The following CMPK1 variants were observed in gnomAD, a reference collection of about 807,000 sequenced individuals.
The protein encoded by CMPK1 is UMP-CMP kinase.
In CMPK1, 10 loss-of-function variants were observed where a neutral mutation model predicts 25.7. The ratio of observed to expected loss-of-function variants is 0.39; its 90% CI spans 0.24 to 0.66. The LOEUF is 0.66. CMPK1 is among the 30% of genes least tolerant of loss of function. The pLI, the probability that CMPK1 is intolerant of heterozygous loss-of-function variation, is 0.48. For synonymous variants in CMPK1, 106 were observed against 101.5 expected, an observed-to-expected ratio of 1.04 and a Z score of -0.27; for missense variants, 199 against 280.5, an observed-to-expected ratio of 0.71 and a Z score of 2.08.
intron 3 of CMPK1, 100 bp downstream of exon 3, chr1:47,373,207 C>A: frequency 8.8e-7 from 1 of 1,141,814 alleles, no homozygotes; most frequent in Non-Finnish European, 1.2e-6. Context: ...ATATTGGCAG[C>A]AGTGTTTTTT....
At chr1:47,335,888 G>C (rs950558435) in intron 1 of CMPK1, among the ~76,000 whole-genome samples, 4 of 151,804 alleles carry the variant, frequency 2.6e-5, no homozygotes, top group South Asian at 4.2e-4. Context: ...CTCAGCCTCT[G>C]CATAGCTGGG....
At position 47,334,059 on chromosome 1, in the gene CMPK1, G is replaced by C; in HGVS notation, c.114G>C (p.Val38=). The change falls in exon 1 of 6, where the codon GTG becomes GTC. Residue 38 remains valine (V), a synonymous_variant. Coordinates refer to ENST00000371873, the MANE Select transcript of CMPK1 (RefSeq NM_016308.3). The part of the protein sequence containing the change: ...CSPRLMKPLV[V]FVLGGPGAGK... ...CACGTCTCATGAAGCCGCTGGTCGT[G>C]TTCGTCCTCGGCGGCCCCGGCGCCG... is the stretch of plus-strand genomic sequence containing the variant. The C allele has an allele frequency of 6.5e-7, 1 of 1,547,422 alleles. No individual in the cohort carries two copies. The highest frequency in any genetic ancestry group is 1.2e-5 in the South Asian group (1 of 83,870).
intron 1 of CMPK1, among the ~76,000 whole-genome samples, chr1:47,362,633 T>C (rs1376981922): frequency 1.3e-5 from 2 of 152,240 alleles, no homozygotes; most frequent in African/African-American, 4.8e-5. Context: ...AAAATATTAC[T>C]CTTTATTAGA....
chr1:47,336,019 C>A (rs946477542), intron 1 of CMPK1, among the ~76,000 whole-genome samples: 2 of 152,114 alleles, frequency 1.3e-5, no homozygotes, highest in Non-Finnish European at 2.9e-5. Flanking sequence ...CCTCAGCCTC[C>A]CAAAGTGCTG....
chr1:47,344,306 G>A (rs1646466738), intron 1 of CMPK1, among the ~76,000 whole-genome samples: 1 of 152,100 alleles, frequency 6.6e-6, no homozygotes, highest in African/African-American at 2.4e-5. Flanking sequence ...CAGTGGGAAA[G>A]AAGCAGTTGG....
At chr1:47,339,582 A>T (rs1646423874) in intron 1 of CMPK1, among the ~76,000 whole-genome samples, 1 of 151,878 alleles carries the variant, frequency 6.6e-6, no homozygotes, top group African/African-American at 2.4e-5. Context: ...TGTCCTGAAG[A>T]TGTAAAATTT....
rs186114752 is a variant in CMPK1 at position 47,341,086 on chromosome 1, T to G, written c.171+6970T>G. Among the ~76,000 whole-genome samples, 1,159 of 152,300 alleles carry G rather than the reference T, an allele frequency of 7.6e-3. 6 individuals carry two copies. Among genetic ancestry groups the G allele is most frequent in the Non-Finnish European group, 0.013 (877 of 68,028 alleles). ...GAGATCTTCAGATTATTTACTGCCC[T>G]TAATTTTGAAAACTTTCATTTTTTG... On this transcript the variant is annotated intron_variant, in intron 1 of 5. Coordinates refer to ENST00000371873, the MANE Select transcript of CMPK1 (RefSeq NM_016308.3).
intron 1 of CMPK1, among the ~76,000 whole-genome samples, chr1:47,357,181 T>C (rs1358570348): frequency 6.6e-6 from 1 of 151,786 alleles, no homozygotes; most frequent in African/African-American, 2.4e-5. Flanking sequence ...GCCAGGATGG[T>C]CTCGATCTTC....
intron 1 of CMPK1, among the ~76,000 whole-genome samples, chr1:47,339,506 G>A (rs1024285924): frequency 1.3e-5 from 2 of 152,086 alleles, no homozygotes; most frequent in East Asian, 3.9e-4. Flanking sequence ...CTGACACATA[G>A]TAACTGCTTA....
At chr1:47,366,573 A>C (rs1227931477) in intron 1 of CMPK1, among the ~76,000 whole-genome samples, 1 of 152,186 alleles carries the variant, frequency 6.6e-6, no homozygotes, top group African/African-American at 2.4e-5. Flanking sequence ...AGTATAAAAA[A>C]CTGGTAAATA....
chr1:47,371,065 A>G (rs1371368154), intron 2 of CMPK1, among the ~76,000 whole-genome samples: 1 of 152,214 alleles, frequency 6.6e-6, no homozygotes, highest in African/African-American at 2.4e-5. Flanking sequence ...ATTAACAGGT[A>G]TTTTCACATA....
chr1:47,373,802 GA>G (rs566663698), intron 3 of CMPK1, among the ~76,000 whole-genome samples: 51 of 132,142 alleles, frequency 3.9e-4, no homozygotes, highest in South Asian at 3.6e-3. Flanking sequence ...TCAAAAAAAA[GA>G]AAAAAAAAAA....
At chr1:47,356,283 ATTTTAGGTGCTTTTATTACTTGTTG>A (rs1418612386) in intron 1 of CMPK1, among the ~76,000 whole-genome samples, 1 of 151,952 alleles carries the variant, frequency 6.6e-6, no homozygotes, top group East Asian at 1.9e-4. Flanking sequence ...AAAAGCACCT[ATTTTAGGTGCTTTTATTACTTGTTG>A]AATTCTTATT....
intron 5 of CMPK1, 85 bp from the exon 6 acceptor site, chr1:47,376,619 T>G: frequency 1.1e-6 from 1 of 875,910 alleles, no homozygotes; most frequent in Non-Finnish European, 1.8e-6. Context: ...CCCCGCCAAA[T>G]TTGATTATTT....
intron 1 of CMPK1, among the ~76,000 whole-genome samples, chr1:47,353,951 G>A (rs1235789982): frequency 1.3e-5 from 2 of 152,042 alleles, no homozygotes; most frequent in South Asian, 2.1e-4. Flanking sequence ...TCCTGACCTC[G>A]GGTGATCCTC....
At position 47,373,171 on chromosome 1, in the gene CMPK1, A is replaced by C. The variant is rs1208095421; in HGVS notation, c.471+64A>C. On this transcript the variant is annotated intron_variant, in intron 3 of 5. Coordinates refer to ENST00000371873, the MANE Select transcript of CMPK1 (RefSeq NM_016308.3). ...AACTGTTAGTCAACTATTAGAAAAAACAAAGGATTTTTTAACTTATATTTT... is the reference window on the plus strand; with the variant it reads ...AACTGTTAGTCAACTATTAGAAAAACCAAAGGATTTTTTAACTTATATTTT... 2.1e-6 allele frequency: 3 copies of C among 1,448,206 alleles called. No homozygotes were observed. The African/African-American group carries it at 4.3e-5, about 21-fold the overall frequency. The allele number at this position is 1,448,206 out of a possible 1,614,324, so 89.7% of individuals were successfully genotyped here. A position where few individuals can be genotyped will look rare whatever the true frequency, so the allele number is the denominator to read the frequency against.
chr1:47,350,121 T>C (rs992566093), intron 1 of CMPK1, among the ~76,000 whole-genome samples: 9 of 152,118 alleles, frequency 5.9e-5, no homozygotes, highest in Non-Finnish European at 1.3e-4. Flanking sequence ...ATTATTTATA[T>C]AGAAACAGGG....
chr1:47,334,213 C>G (rs1478916698), intron 1 of CMPK1, 97 bp downstream of exon 1: 9 of 1,128,106 alleles, frequency 8.0e-6, no homozygotes, highest in Non-Finnish European at 1.0e-5. Flanking sequence ...AGTCGCCGAG[C>G]CGCAGACTAC....
intron 2 of CMPK1, among the ~76,000 whole-genome samples, chr1:47,369,631 G>C (rs1292159555): frequency 6.6e-6 from 1 of 150,658 alleles, no homozygotes; most frequent in Admixed American, 6.6e-5. Context: ...GCGCGATCTC[G>C]GCTCACTGCA....
Sources: allele counts gnomAD v4.1 joint callset (sites outside exome capture counted in the v4.1 genomes callset), GRCh38; gene constraint gnomAD v4.1.1; transcripts MANE v1.5; gene names NCBI Gene and HGNC (gene_info 2026-07-23, HGNC 2026-07-21).